The following CYREN variants were observed in gnomAD, a reference collection of about 807,000 sequenced individuals.
CYREN encodes the protein cell cycle regulator of non-homologous end joining.
Under a neutral mutation model 9.7 loss-of-function variants are expected in CYREN, and 7 were observed. The observed-to-expected ratio is 0.72, with a 90% CI of 0.41 to 1.36. CYREN has a LOEUF of 1.36. Among genes scored for constraint, CYREN ranks in the 40% most tolerant of loss-of-function variants. The pLI is 0.01. For missense variants in CYREN, 215 were observed against 198.1 expected, an observed-to-expected ratio of 1.09 and a Z score of -0.51; for synonymous variants, 76 against 77.9, an observed-to-expected ratio of 0.98 and a Z score of 0.13.
At chr7:135,162,039 A>C (rs1432295657), downstream of CYREN, among the ~76,000 whole-genome samples, 15 of 152,216 alleles carry the variant, frequency 9.9e-5, no homozygotes, top group Admixed American at 9.8e-4. Flanking sequence ...GTCGCTGGTC[A>C]ATCTTCATTC....
intron 2 of CYREN, chr7:135,101,099 A>C: frequency 2.2e-6 from 1 of 446,362 alleles, no homozygotes; most frequent in Non-Finnish European, 4.5e-6. Context: ...TATGACTCAG[A>C]GTCATAGCAA....
chr7:135,113,579 CA>C (rs1340102150), intron 2 of CYREN, among the ~76,000 whole-genome samples: 4 of 152,140 alleles, frequency 2.6e-5, no homozygotes, highest in East Asian at 1.9e-4. Context: ...AATTATAGGA[CA>C]TTTTTTTAAA....
intron 2 of CYREN, among the ~76,000 whole-genome samples, chr7:135,139,683 T>C (rs950051016): frequency 6.6e-6 from 1 of 152,178 alleles, no homozygotes; most frequent in Non-Finnish European, 1.5e-5. Context: ...CAGGTTTTCT[T>C]CTATGCTTTT....
chr7:135,115,443 G>A (rs867176596), intron 2 of CYREN: 1 of 1,551,192 alleles, frequency 6.4e-7, no homozygotes, highest in African/African-American at 1.4e-5. Context: ...AAGAAGACTG[G>A]CATAAATTGG....
At chr7:135,111,687 C>G (rs1825661781) in intron 2 of CYREN, among the ~76,000 whole-genome samples, 1 of 152,138 alleles carries the variant, frequency 6.6e-6, no homozygotes, top group Non-Finnish European at 1.5e-5. Context: ...GTTTCTCTAG[C>G]CATTCATGAA....
chr7:135,134,690 G>T, intron 2 of CYREN: 1 of 708,200 alleles, frequency 1.4e-6, no homozygotes, highest in Non-Finnish European at 2.2e-6. Flanking sequence ...GATCAGAGAT[G>T]AAGACTTCTA....
intron 2 of CYREN, among the ~76,000 whole-genome samples, chr7:135,134,131 C>T (rs994179273): frequency 2.0e-5 from 3 of 152,030 alleles, no homozygotes; most frequent in African/African-American, 7.2e-5. Flanking sequence ...GCAGTGTTCT[C>T]TATCTTGACT....
At chr7:135,100,771 A>C (rs1046087613) in intron 2 of CYREN, among the ~76,000 whole-genome samples, 1 of 152,248 alleles carries the variant, frequency 6.6e-6, no homozygotes, top group African/African-American at 2.4e-5. Flanking sequence ...TGATATATCA[A>C]GACAAAAGAA....
At chr7:135,157,991 G>A (rs1424027224) in intron 2 of CYREN, among the ~76,000 whole-genome samples, 3 of 152,142 alleles carry the variant, frequency 2.0e-5, no homozygotes, top group Non-Finnish European at 4.4e-5. Context: ...TTGAGTCTCG[G>A]TCTCACAGCA....
At position 135,169,016 on chromosome 7, in the gene CYREN, G is replaced by T; in HGVS notation, c.-94C>A. ...AAATCTCGTTCTCTCGTCACACCCG[G>T]AATTACAGGTCCATTTGTCCTCAGT... On this transcript the variant is annotated 5_prime_UTR_variant, in exon 2 of 4. Coordinates refer to ENST00000393114, the MANE Select transcript of CYREN (RefSeq NM_024033.4). 8.3e-7 allele frequency: 1 copy of T among 1,209,568 alleles called. No individual in the cohort carries two copies. Among genetic ancestry groups the T allele is most frequent in the Non-Finnish European group, 1.1e-6 (1 of 879,068 alleles). The allele number at this position is 1,209,568 out of a possible 1,614,324, so 74.9% of individuals were successfully genotyped here.
At chr7:135,171,579 C>G (rs927304907), upstream of CYREN, among the ~76,000 whole-genome samples, 2 of 152,236 alleles carry the variant, frequency 1.3e-5, no homozygotes, top group African/African-American at 4.8e-5. Context: ...ACGACCCTTT[C>G]ATGTGAAATT....
At chr7:135,105,070 G>GTT (rs71172498) in intron 2 of CYREN, among the ~76,000 whole-genome samples, 65,923 of 127,014 alleles carry the variant, frequency 0.52, 18,755 homozygotes, top group East Asian at 0.94. Context: ...TTACATTCAA[G>GTT]TTTTTTTTTT....
chr7:135,101,044 G>A, intron 2 of CYREN: 1 of 383,424 alleles, frequency 2.6e-6, no homozygotes, highest in African/African-American at 2.1e-5. Flanking sequence ...GTAGCTTACT[G>A]TTGACAATGA....
At chr7:135,116,579 T>C (rs1048422458) in intron 2 of CYREN, among the ~76,000 whole-genome samples, 8 of 152,146 alleles carry the variant, frequency 5.3e-5, no homozygotes, top group African/African-American at 1.2e-4. Flanking sequence ...GGCTCCCCAT[T>C]TGGTTTCCAA....
chr7:135,162,798 C>T (rs1021780498), downstream of CYREN, among the ~76,000 whole-genome samples: 4 of 152,208 alleles, frequency 2.6e-5, no homozygotes, highest in Non-Finnish European at 5.9e-5. Flanking sequence ...CTGGAAAATA[C>T]ACATATGTAA....
intron 2 of CYREN, among the ~76,000 whole-genome samples, chr7:135,124,107 TA>T (rs1827519455): frequency 6.6e-6 from 1 of 151,760 alleles, no homozygotes; most frequent in South Asian, 2.1e-4. Context: ...GCAAATTGGA[TA>T]AAGAGTCAAG....
At chr7:135,145,921 G>A (rs867985289) in intron 2 of CYREN, among the ~76,000 whole-genome samples, 23 of 152,064 alleles carry the variant, frequency 1.5e-4, no homozygotes, top group South Asian at 8.3e-4. Flanking sequence ...AAAACCTAAC[G>A]GACATACCTT....
downstream of CYREN, chr7:135,165,769 A>C (rs1240324388): frequency 6.0e-6 from 1 of 167,106 alleles, no homozygotes; most frequent in Non-Finnish European, 1.5e-5. Context: ...TTGGAAAGAC[A>C]TTAGCACAAC....
At chr7:135,139,925 T>G (rs957394266) in intron 2 of CYREN, among the ~76,000 whole-genome samples, 6 of 152,008 alleles carry the variant, frequency 3.9e-5, no homozygotes, top group Non-Finnish European at 8.8e-5. Flanking sequence ...GTTTCATTAG[T>G]CTGTTTTTGT....
Sources: gnomAD v4.1 joint callset for allele counts (sites outside exome capture counted in the v4.1 genomes callset) on GRCh38, gnomAD v4.1.1 for gene constraint, MANE v1.5 for transcripts, NCBI Gene and HGNC (gene_info 2026-07-23, HGNC 2026-07-21) for gene names.